EXOC4: variants seen among roughly 807,000 people sequenced by gnomAD.
EXOC4 encodes exocyst complex component 4.
Under a neutral mutation model 107.2 loss-of-function variants are expected in EXOC4, and 71 were observed. That is an observed-to-expected ratio of 0.66 (90% CI 0.55 to 0.81). EXOC4 has a LOEUF of 0.81. Ranked by LOEUF, EXOC4 falls within the 30% of genes least tolerant of loss-of-function variation. The pLI, the probability that EXOC4 is intolerant of heterozygous loss-of-function variation, is 0.00. For synonymous variants in EXOC4, 456 were observed against 441.2 expected (o/e 1.03, Z -0.42); for missense variants, 1,108 against 1,189.6 (o/e 0.93, Z 1.01).
At chr7:133,903,158 G>C (rs1017541472) in intron 12 of EXOC4, among the ~76,000 whole-genome samples, 1 of 152,212 alleles carries the variant, frequency 6.6e-6, no homozygotes, top group Admixed American at 6.5e-5. Context: ...AGCGAGAGGA[G>C]GAAGGGTATT....
chr7:133,718,597 AT>A (rs1489831028), intron 10 of EXOC4, among the ~76,000 whole-genome samples: 1 of 152,144 alleles, frequency 6.6e-6, no homozygotes, highest in East Asian at 1.9e-4. Flanking sequence ...GAAGACTTCA[AT>A]TCAAATCCCT....
intron 10 of EXOC4, among the ~76,000 whole-genome samples, chr7:133,764,688 A>G (rs970683926): frequency 6.6e-6 from 1 of 152,090 alleles, no homozygotes; most frequent in African/African-American, 2.4e-5. Flanking sequence ...ATACTGAGAA[A>G]GTTTGTAGTT....
intron 17 of EXOC4, among the ~76,000 whole-genome samples, chr7:134,048,039 T>A (rs1795696218): frequency 6.6e-6 from 1 of 152,116 alleles, no homozygotes; most frequent in Non-Finnish European, 1.5e-5. Context: ...ATTGGTTGAG[T>A]CACAGATGAA....
chr7:133,997,001 G>A (rs1346785718), intron 14 of EXOC4, among the ~76,000 whole-genome samples: 2 of 152,188 alleles, frequency 1.3e-5, no homozygotes, highest in African/African-American at 4.8e-5. Context: ...AGAAGTTAAT[G>A]AAGGCAGATG....
At chr7:133,552,186 A>G (rs1379344180) in intron 9 of EXOC4, among the ~76,000 whole-genome samples, 1 of 152,190 alleles carries the variant, frequency 6.6e-6, no homozygotes, top group Non-Finnish European at 1.5e-5. Flanking sequence ...TTTCAGAAAC[A>G]GAGAAAGAAA....
intron 9 of EXOC4, among the ~76,000 whole-genome samples, chr7:133,520,317 T>G (rs1799956379): frequency 1.3e-5 from 2 of 151,658 alleles, no homozygotes; most frequent in Admixed American, 6.6e-5. Flanking sequence ...TGGGGTGGGG[T>G]GTGTGTGTGT....
intron 14 of EXOC4, among the ~76,000 whole-genome samples, chr7:133,975,427 T>G (rs1793808561): frequency 1.3e-5 from 2 of 152,164 alleles, no homozygotes; most frequent in Non-Finnish European, 2.9e-5. Context: ...TGCATAATTC[T>G]GACCAAAAGG....
chr7:133,907,014 T>G (rs1427107523), intron 12 of EXOC4, among the ~76,000 whole-genome samples: 2 of 152,220 alleles, frequency 1.3e-5, no homozygotes, highest in South Asian at 2.1e-4. Flanking sequence ...GCCACCATCT[T>G]GGAAGCGGCC....
intron 11 of EXOC4, among the ~76,000 whole-genome samples, chr7:133,845,335 AGTGTGTGTGTGTGTGT>A (rs34845137): frequency 1.6e-4 from 22 of 138,030 alleles, no homozygotes; most frequent in Admixed American, 1.2e-3. Flanking sequence ...GCAGGTTAGT[AGTGTGTGTGTGTGTGT>A]GTGTGTGTGT....
chr7:133,280,430 A>G (rs191108787), intron 2 of EXOC4, among the ~76,000 whole-genome samples: 2 of 152,302 alleles, frequency 1.3e-5, no homozygotes, highest in African/African-American at 4.8e-5. Flanking sequence ...ATGAATTGGT[A>G]TGTTTCTCTG....
At chr7:133,884,803 G>A (rs17167332) in intron 11 of EXOC4, among the ~76,000 whole-genome samples, 17,719 of 152,004 alleles carry the variant, frequency 0.12, 1,142 homozygotes, top group Middle Eastern at 0.15. Flanking sequence ...TCTGAATTGT[G>A]AATTTATTTA....
chr7:133,347,328 C>G (rs1795807494), intron 5 of EXOC4, among the ~76,000 whole-genome samples: 1 of 151,744 alleles, frequency 6.6e-6, no homozygotes, highest in African/African-American at 2.4e-5. Context: ...ACTGCAACCT[C>G]CGCCTCCTGG....
intron 10 of EXOC4, among the ~76,000 whole-genome samples, chr7:133,756,354 CA>C (rs1795917065): frequency 1.3e-5 from 2 of 152,078 alleles, no homozygotes; most frequent in Admixed American, 1.3e-4. Context: ...TACTTTTTCA[CA>C]AGAGTTCCTT....
At chr7:133,962,576 T>A (rs1800971662) in intron 14 of EXOC4, among the ~76,000 whole-genome samples, 1 of 152,202 alleles carries the variant, frequency 6.6e-6, no homozygotes, top group Admixed American at 6.5e-5. Context: ...CCAAGACATT[T>A]AAAAGGCTGT....
chr7:133,832,594 A>G (rs113542397), intron 11 of EXOC4, among the ~76,000 whole-genome samples: 25 of 152,332 alleles, frequency 1.6e-4, no homozygotes, highest in South Asian at 1.2e-3. Flanking sequence ...ACTCAGCAAT[A>G]TGCTTAAGAT....
Position 133,322,040 on chromosome 7 carries a change from T to G in EXOC4, c.763+4650T>G, listed in dbSNP as rs552450549. On this transcript the variant is annotated intron_variant, in intron 5 of 17. Coordinates refer to ENST00000253861, the MANE Select transcript of EXOC4 (RefSeq NM_021807.4). ...TTCTTTTGAGAAGTGTCTGTTCATA[T>G]CCTTCACCCACTTTTTGATGGGGTT... 3.3e-5 allele frequency among the ~76,000 whole-genome samples: 5 copies of G among 152,370 alleles called. No individual in the cohort carries two copies. The East Asian group carries it at 9.6e-4, about 29-fold the overall frequency.
intron 9 of EXOC4, among the ~76,000 whole-genome samples, chr7:133,554,288 A>G (rs17167144): frequency 0.23 from 34,969 of 152,110 alleles, 5,482 homozygotes; most frequent in East Asian, 0.51. Flanking sequence ...CATTCTTAAT[A>G]TTATTTGAGT....
chr7:133,785,663 A>T (rs946980078), intron 10 of EXOC4, among the ~76,000 whole-genome samples: 1 of 134,052 alleles, frequency 7.5e-6, no homozygotes, highest in Non-Finnish European at 1.6e-5. Flanking sequence ...AAATGGGCAC[A>T]TGTTTTGTTT....
chr7:134,038,070 A>G (rs1421375850), intron 17 of EXOC4, among the ~76,000 whole-genome samples: 1 of 152,208 alleles, frequency 6.6e-6, no homozygotes, highest in Non-Finnish European at 1.5e-5. Context: ...TATACCTACT[A>G]TGGACCACTC....
Sources: allele counts gnomAD v4.1 joint callset (sites outside exome capture counted in the v4.1 genomes callset), GRCh38; gene constraint gnomAD v4.1.1; transcripts MANE v1.5; gene names NCBI Gene and HGNC (gene_info 2026-07-23, HGNC 2026-07-21).